The following PEX5L variants were observed in gnomAD, a reference collection of about 807,000 sequenced individuals.
The protein encoded by PEX5L is PEX5-related protein.
In PEX5L, 30 loss-of-function variants were observed where a neutral mutation model predicts 84.0. The observed-to-expected ratio is 0.36, with a 90% CI of 0.27 to 0.48. PEX5L has a LOEUF of 0.48. PEX5L is among the 20% of genes least tolerant of loss of function. The pLI is 0.99. For missense variants in PEX5L, 533 were observed against 754.6 expected, an observed-to-expected ratio of 0.71 and a Z score of 3.44; for synonymous variants, 270 against 283.1, an observed-to-expected ratio of 0.95 and a Z score of 0.46.
intron 1 of PEX5L, among the ~76,000 whole-genome samples, chr3:180,018,746 G>A (rs182185452): frequency 7.2e-5 from 11 of 152,270 alleles, no homozygotes; most frequent in South Asian, 4.1e-4. Flanking sequence ...CAGCTCACAC[G>A]AAGCCTTTCA....
At chr3:180,024,682 G>T (rs1344199269) in intron 1 of PEX5L, among the ~76,000 whole-genome samples, 2 of 151,764 alleles carry the variant, frequency 1.3e-5, no homozygotes, top group African/African-American at 4.9e-5. Flanking sequence ...AGCTGCATGT[G>T]TGTGTGTGAG....
chr3:179,970,679 A>G (rs185634982), intron 2 of PEX5L, among the ~76,000 whole-genome samples: 20 of 152,136 alleles, frequency 1.3e-4, no homozygotes, highest in African/African-American at 4.8e-4. Context: ...TTTTTCAGAA[A>G]TATGTACAAC....
chr3:179,993,992 T>C (rs532609140), intron 1 of PEX5L, among the ~76,000 whole-genome samples: 25 of 152,362 alleles, frequency 1.6e-4, no homozygotes, highest in African/African-American at 5.3e-4. Flanking sequence ...AGGCTTACTA[T>C]ATATCATTTT....
At chr3:180,004,798 C>A (rs111421520) in intron 1 of PEX5L, among the ~76,000 whole-genome samples, 8 of 151,156 alleles carry the variant, frequency 5.3e-5, no homozygotes, top group African/African-American at 1.9e-4. Context: ...CTAATTTAGA[C>A]CAAGCAGAAT....
At chr3:179,993,381 T>C (rs6764772) in intron 1 of PEX5L, among the ~76,000 whole-genome samples, 70,022 of 152,094 alleles carry the variant, frequency 0.46, 19,637 homozygotes, top group African/African-American at 0.81. Context: ...TTGGTATCCA[T>C]GGAAAATTGG....
chr3:179,946,192 G>T (rs1777496975), intron 2 of PEX5L, among the ~76,000 whole-genome samples: 1 of 152,144 alleles, frequency 6.6e-6, no homozygotes, highest in African/African-American at 2.4e-5. Flanking sequence ...TGAGTGGAAA[G>T]AGTTTTGAAA....
Position 179,796,585 on chromosome 3 carries a change from T to G in PEX5L, c.*5243A>C, listed in dbSNP as rs903770171. The G allele has an allele frequency of 6.6e-6, 1 of 152,128 alleles. No individual in the cohort carries two copies. Among genetic ancestry groups the G allele is most frequent in the South Asian group, 2.1e-4 (1 of 4,822 alleles). 9.4% of individuals were successfully genotyped at this position (152,128 alleles called of 1,614,324 possible). ...TTTGCTATGTGTGTTATGTGTAGAATTCTGTCTTTGAGTTCATGGTATGTG... is the reference window on the plus strand; with the variant it reads ...TTTGCTATGTGTGTTATGTGTAGAAGTCTGTCTTTGAGTTCATGGTATGTG... On this transcript the variant is annotated 3_prime_UTR_variant, in exon 15 of 15. Coordinates refer to ENST00000467460, the MANE Select transcript of PEX5L (RefSeq NM_016559.3).
chr3:179,993,158 C>T (rs1345928689), intron 1 of PEX5L, among the ~76,000 whole-genome samples: 2 of 152,136 alleles, frequency 1.3e-5, no homozygotes, highest in African/African-American at 4.8e-5. Context: ...TTGGTGTATG[C>T]TCTTCCAGAG....
At chr3:179,941,792 G>A (rs756318843) in intron 2 of PEX5L, among the ~76,000 whole-genome samples, 161 of 152,064 alleles carry the variant, frequency 1.1e-3, no homozygotes, top group Non-Finnish European at 1.9e-3. Flanking sequence ...TGAGGCAGAG[G>A]TGGGCGGATC....
At chr3:180,021,454 G>A (rs1790420531) in intron 1 of PEX5L, among the ~76,000 whole-genome samples, 1 of 152,106 alleles carries the variant, frequency 6.6e-6, no homozygotes, top group African/African-American at 2.4e-5. Context: ...GGCTGCAGTG[G>A]GGTCCAGGAA....
intron 8 of PEX5L, among the ~76,000 whole-genome samples, chr3:179,832,732 TTACCTACCCACGTACCTACC>T (rs1347284307): frequency 6.7e-6 from 1 of 150,112 alleles, no homozygotes; most frequent in Non-Finnish European, 1.5e-5. Flanking sequence ...ACCCACCCAC[TTACCTACCCACGTACCTACC>T]TACCTACCCA....
chr3:179,900,629 A>G (rs1260973939), intron 2 of PEX5L: 2 of 1,353,102 alleles, frequency 1.5e-6, no homozygotes, highest in South Asian at 2.5e-5. Context: ...ATGTACAATA[A>G]ATACATGCGG....
chr3:179,861,096 G>A (rs1171757559), intron 7 of PEX5L, among the ~76,000 whole-genome samples: 3 of 152,216 alleles, frequency 2.0e-5, no homozygotes, highest in African/African-American at 4.8e-5. Flanking sequence ...AATGTGGAAC[G>A]TTTATTTATT....
intron 2 of PEX5L, chr3:179,921,570 A>G (rs1560719137): frequency 1.3e-5 from 2 of 152,206 alleles, no homozygotes; most frequent in East Asian, 1.9e-4. Context: ...CCTACCAAGT[A>G]TCATCACAAG....
intron 2 of PEX5L, among the ~76,000 whole-genome samples, chr3:179,914,120 C>T (rs1286808014): frequency 6.6e-6 from 1 of 152,160 alleles, no homozygotes; most frequent in African/African-American, 2.4e-5. Context: ...TCCTTAGGTG[C>T]AAACATGGCT....
intron 8 of PEX5L, among the ~76,000 whole-genome samples, chr3:179,832,261 G>A (rs1733317284): frequency 6.6e-6 from 1 of 151,918 alleles, no homozygotes; most frequent in South Asian, 2.1e-4. Flanking sequence ...GACAGAGAGA[G>A]AGAGATAGAG....
chr3:179,890,992 G>C (rs568642906), intron 3 of PEX5L, among the ~76,000 whole-genome samples: 2 of 146,502 alleles, frequency 1.4e-5, no homozygotes, highest in Non-Finnish European at 3.0e-5. Context: ...TTTGGAGTCC[G>C]TCTCTTTATT....
At chr3:179,950,570 G>C (rs908427595) in intron 2 of PEX5L, among the ~76,000 whole-genome samples, 1 of 152,266 alleles carries the variant, frequency 6.6e-6, no homozygotes, top group Admixed American at 6.5e-5. Context: ...CACATCTTTA[G>C]TTTGATCTAA....
rs73174433 is a variant in PEX5L at position 179,803,459 on chromosome 3, C to A, written c.1677-1427G>T. On this transcript the variant is annotated intron_variant, in intron 14 of 14. Transcript: ENST00000467460. Reference sequence around the variant, plus strand: ...GGTCCTGAGAACACCAAGTCTGAGACAAGCCGAGTTAGATGCTGTCTGAAG... The same window carrying A: ...GGTCCTGAGAACACCAAGTCTGAGAAAAGCCGAGTTAGATGCTGTCTGAAG... Among the ~76,000 whole-genome samples, 1,498 of 152,240 alleles carry A rather than the reference C, an allele frequency of 9.8e-3. 17 individuals are homozygous for A. Among genetic ancestry groups the A allele is most frequent in the Non-Finnish European group, 0.016 (1,075 of 68,016 alleles).
Sources: gnomAD v4.1 joint callset for allele counts (sites outside exome capture counted in the v4.1 genomes callset) on GRCh38, gnomAD v4.1.1 for gene constraint, MANE v1.5 for transcripts, NCBI Gene and HGNC (gene_info 2026-07-23, HGNC 2026-07-21) for gene names.